The following CCDC110 variants were observed in gnomAD, a reference collection of about 807,000 sequenced individuals.
The protein encoded by CCDC110 is coiled-coil domain-containing protein 110.
Under a neutral mutation model 77.1 loss-of-function variants are expected in CCDC110, and 70 were observed. The ratio of observed to expected loss-of-function variants is 0.91; its 90% confidence interval spans 0.75 to 1.11. The LOEUF (loss-of-function observed/expected upper bound fraction) is 1.11, where lower values mean the gene tolerates loss of function less well. CCDC110 is among the 50% of genes least tolerant of loss of function. CCDC110 has a pLI of 0.00. For missense variants in CCDC110, 868 were observed against 942.9 expected (o/e 0.92, Z 1.04); for synonymous variants, 295 against 312.5 (o/e 0.94, Z 0.59).
rs2095665273 is a variant in CCDC110, at chr4:185,471,027, A to G, written c.33T>C (p.Asp11=). 1 of 1,582,600 alleles carries G rather than the reference A, an allele frequency of 6.3e-7. No homozygotes were observed. Among genetic ancestry groups the G allele is most frequent in the Middle Eastern group, 1.7e-4 (1 of 5,992 alleles). The change falls in exon 2 of 7, where the codon GAT becomes GAC. Residue 11 remains aspartate, a synonymous_variant. Coordinates refer to ENST00000307588, the MANE Select transcript of CCDC110 (RefSeq NM_152775.4). ...CTGAAAGGAGAACGGAGTCAACTTCATCCTCTTCCCGGTGCTGCTTTTCTG... is the reference window on the plus strand; with the variant it reads ...CTGAAAGGAGAACGGAGTCAACTTCGTCCTCTTCCCGGTGCTGCTTTTCTG... The part of the protein sequence containing the change: MSPEKQHREE[D]EVDSVLLSAS...
In CCDC110 at chr4:185,459,947, G is replaced by T. The variant is rs377132008; in HGVS notation, c.640C>A (p.Gln214Lys). The T allele has an allele frequency of 5.6e-6, 9 of 1,613,698 alleles. No homozygotes were observed. Among genetic ancestry groups the T allele is most frequent in the Non-Finnish European group, 7.6e-6 (9 of 1,179,846 alleles). Residue 214 changes from glutamine (Q) to lysine (K), a missense_variant, in exon 6 of 7, where the codon CAA (glutamine) becomes AAA (lysine). Coordinates refer to ENST00000307588, the MANE Select transcript of CCDC110 (RefSeq NM_152775.4). ...TTATCCAGAATTACTGTATCAGCTT[G>T]AGACATCACATTTGGAGGTGCAGTA... ...LPTAPPNVMSQADTVILDKSK... is the reference protein window; with the variant it reads ...LPTAPPNVMSKADTVILDKSK...
chr4:185,450,275 T>C (rs573020071), intron 6 of CCDC110, among the ~76,000 whole-genome samples: 1 of 152,280 alleles, frequency 6.6e-6, no homozygotes, highest in South Asian at 2.1e-4. Flanking sequence ...TACTTGTTAG[T>C]TGAGTATCTT....
At chr4:185,469,333 T>C (rs1262529547) in intron 2 of CCDC110, among the ~76,000 whole-genome samples, 1 of 152,212 alleles carries the variant, frequency 6.6e-6, no homozygotes, top group African/African-American at 2.4e-5. Flanking sequence ...TAAGAACCTG[T>C]CCTGTGTCAA....
intron 4 of CCDC110, among the ~76,000 whole-genome samples, chr4:185,462,325 G>A (rs2095647937): frequency 6.6e-6 from 1 of 152,154 alleles, no homozygotes; most frequent in African/African-American, 2.4e-5. Flanking sequence ...CTATTAAAGT[G>A]TATTTTTTCC....
At chr4:185,464,654 C>T (rs1364199345) in intron 2 of CCDC110, among the ~76,000 whole-genome samples, 2 of 152,124 alleles carry the variant, frequency 1.3e-5, no homozygotes, top group Non-Finnish European at 2.9e-5. Context: ...TAGAATCCTG[C>T]CACCCACAAC....
chr4:185,456,018 T>C (rs751918165), intron 6 of CCDC110, among the ~76,000 whole-genome samples: 4 of 152,190 alleles, frequency 2.6e-5, no homozygotes, highest in African/African-American at 4.8e-5. Flanking sequence ...TCAGTACAGA[T>C]ATAGATTTGC....
Position 185,459,177 on chromosome 4 carries a change from T to C in CCDC110, c.1410A>G (p.Ile470Met). 1 of 1,601,830 alleles carries C rather than the reference T, an allele frequency of 6.2e-7. No individual in the cohort carries two copies. Residue 470 changes from isoleucine (I) to methionine (M), a missense_variant, in exon 6 of 7, where the codon ATA becomes ATG. Coordinates refer to ENST00000307588, the MANE Select transcript of CCDC110 (RefSeq NM_152775.4). The part of the protein sequence containing the change: ...KPLIFTTQSL[I>M]QKVETYEKQL... ...GCTTTTCATATGTTTCAACTTTCTGTATGAGAGATTGTGTGGTAAAGATAA... is the reference window on the plus strand; with the variant it reads ...GCTTTTCATATGTTTCAACTTTCTGCATGAGAGATTGTGTGGTAAAGATAA...
rs2095645391 is a variant in CCDC110, at chr4:185,461,054, C to A, written c.343G>T (p.Asp115Tyr). 6.8e-7 allele frequency: 1 copy of A among 1,479,432 alleles called. No individual in the cohort carries two copies. The highest frequency in any genetic ancestry group is 1.9e-5 in the Admixed American group (1 of 53,100). The allele number at this position is 1,479,432 out of a possible 1,614,324, so 91.6% of individuals were successfully genotyped here. A position where few individuals can be genotyped will look rare whatever the true frequency, so the allele number is the denominator to read the frequency against. Residue 115 changes from aspartate to tyrosine, a missense_variant, in exon 5 of 7, where the codon GAT becomes TAT. Transcript: ENST00000307588. Reference sequence around the variant, plus strand: ...ATTTCTGTAGAATAACATACCAAATCCTTTTCAATGCGCGTGCCAAACACC... The same window carrying A: ...ATTTCTGTAGAATAACATACCAAATACTTTTCAATGCGCGTGCCAAACACC... ...NLVFGTRIEK[D>Y]LPTENQEENL...
intron 6 of CCDC110, among the ~76,000 whole-genome samples, chr4:185,455,369 A>C (rs2095634514): frequency 6.6e-6 from 1 of 152,150 alleles, no homozygotes; most frequent in Non-Finnish European, 1.5e-5. Flanking sequence ...TTATTTAACT[A>C]TTCAGAGTTT....
chr4:185,471,539 G>T, intron 1 of CCDC110, 135 bp downstream of exon 1: 1 of 976,182 alleles, frequency 1.0e-6, no homozygotes, highest in Non-Finnish European at 1.5e-6. Context: ...GGCCGAGCGG[G>T]AGATGTGCGG....
intron 2 of CCDC110, among the ~76,000 whole-genome samples, chr4:185,466,033 G>A (rs916546826): frequency 6.6e-6 from 1 of 152,198 alleles, no homozygotes; most frequent in Non-Finnish European, 1.5e-5. Context: ...CCAATAGTCA[G>A]GTGGGTCTAC....
chr4:185,453,587 G>T (rs1460204316), intron 6 of CCDC110, among the ~76,000 whole-genome samples: 1 of 136,876 alleles, frequency 7.3e-6, no homozygotes, highest in African/African-American at 2.8e-5. Context: ...TTGCTCTGTC[G>T]CCTAGGCTGG....
intron 2 of CCDC110, among the ~76,000 whole-genome samples, chr4:185,463,439 AT>A (rs2153322907): frequency 6.6e-6 from 1 of 152,268 alleles, no homozygotes; most frequent in Admixed American, 6.5e-5. Context: ...TCCATGTGAC[AT>A]TTTTCCCCTT....
At chr4:185,470,507 G>T in intron 2 of CCDC110, 1 of 348,320 alleles carries the variant, frequency 2.9e-6, no homozygotes, top group South Asian at 2.1e-5. Flanking sequence ...ATCCAAGGAT[G>T]CGGAACTCCC....
intron 2 of CCDC110, among the ~76,000 whole-genome samples, chr4:185,466,145 G>A (rs1466253563): frequency 6.6e-6 from 1 of 152,090 alleles, no homozygotes; most frequent in Admixed American, 6.5e-5. Context: ...GGAGGCCTAG[G>A]CGGGCAGATC....
chr4:185,461,756 A>G, intron 4 of CCDC110, among the ~76,000 whole-genome samples: 1 of 152,216 alleles, frequency 6.6e-6, no homozygotes, highest in East Asian at 1.9e-4. Flanking sequence ...CATGTGACCC[A>G]GTCGGGATCC....
chr4:185,449,617 C>T lies in CCDC110; in HGVS notation c.2462-4075G>A, dbSNP rs539278310. On this transcript the variant is annotated intron_variant, in intron 6 of 6. Transcript: ENST00000307588. ...TTAGGGCACTAAATTCAAAGAACTA[C>T]AAGACTTCTTCAGTACCATCCTATT... 234 of 1,543,750 alleles carry T rather than the reference C, an allele frequency of 1.5e-4. 3 individuals carry two copies. In the South Asian group the frequency reaches 2.7e-3, roughly 18 times the overall value.
rs2095642391 is a variant in CCDC110, at chr4:185,459,663, TTTTATATCTTCA to T, written c.912_923del (p.Asn304_Ile307del). ...CCTCTAATTCTGAAATTCTCTTTGA[TTTTATATCTTCA>T]TTTAAGTTACCGTCCAAGTTTTCTT... On this transcript the variant is annotated inframe_deletion, in exon 6 of 7. Coordinates refer to ENST00000307588, the MANE Select transcript of CCDC110 (RefSeq NM_152775.4). The T allele has an allele frequency of 4.3e-6, 7 of 1,611,602 alleles. No individual in the cohort carries two copies. Among genetic ancestry groups the T allele is most frequent in the Non-Finnish European group, 5.9e-6 (7 of 1,179,276 alleles).
chr4:185,463,761 C>T (rs2095650563), intron 2 of CCDC110, among the ~76,000 whole-genome samples: 1 of 152,172 alleles, frequency 6.6e-6, no homozygotes, highest in East Asian at 1.9e-4. Context: ...GCTACTCTGT[C>T]CCCTGCTAGA....
Sources: allele counts gnomAD v4.1 joint callset (sites outside exome capture counted in the v4.1 genomes callset), GRCh38; gene constraint gnomAD v4.1.1; transcripts MANE v1.5; gene names NCBI Gene and HGNC (gene_info 2026-07-23, HGNC 2026-07-21).